Variants in TRABD2A observed in about 807,000 individuals in gnomAD.
TRABD2A encodes the protein TraB domain containing 2A.
In TRABD2A, 43 loss-of-function variants were observed where a neutral mutation model predicts 45.6. That is an observed-to-expected ratio of 0.94 (90% CI 0.74 to 1.22). The LOEUF is 1.22. Among genes scored for constraint, TRABD2A ranks in the 50% most tolerant of loss-of-function variants. The pLI is 0.00. For synonymous variants in TRABD2A, 269 were observed against 265.0 expected, an observed-to-expected ratio of 1.02 and a Z score of -0.15; for missense variants, 642 against 652.4, an observed-to-expected ratio of 0.98 and a Z score of 0.17.
chr2:84,847,341 T>A (rs1232726003), intron 2 of TRABD2A, among the ~76,000 whole-genome samples: 1 of 152,242 alleles, frequency 6.6e-6, no homozygotes. Context: ...CTTGGAGAAG[T>A]CTGAACCAGT....
chr2:84,852,851 T>G (rs999031148), intron 2 of TRABD2A, among the ~76,000 whole-genome samples: 1 of 151,916 alleles, frequency 6.6e-6, no homozygotes, highest in African/African-American at 2.4e-5. Flanking sequence ...AAAAGAAGAA[T>G]AGATCTCCCA....
intron 2 of TRABD2A, among the ~76,000 whole-genome samples, chr2:84,865,643 C>A (rs1682651726): frequency 6.6e-6 from 1 of 152,182 alleles, no homozygotes; most frequent in Non-Finnish European, 1.5e-5. Flanking sequence ...GGAGCTTTCC[C>A]AGATTCCTGC....
At chr2:84,829,849 C>CCA (rs1334469752) in intron 5 of TRABD2A, among the ~76,000 whole-genome samples, 4 of 149,888 alleles carry the variant, frequency 2.7e-5, no homozygotes, top group Non-Finnish European at 5.9e-5. Flanking sequence ...CAGACATGCA[C>CCA]CACACACACA....
chr2:84,856,188 C>T (rs1682295611), intron 2 of TRABD2A, among the ~76,000 whole-genome samples: 1 of 152,034 alleles, frequency 6.6e-6, no homozygotes, highest in Non-Finnish European at 1.5e-5. Context: ...ACCATTCACC[C>T]AGATAATTTT....
At chr2:84,828,142 C>G (rs996317161) in intron 5 of TRABD2A, among the ~76,000 whole-genome samples, 11 of 152,192 alleles carry the variant, frequency 7.2e-5, no homozygotes, top group Non-Finnish European at 1.3e-4. Context: ...TTTCTCTTCT[C>G]TGTTCTAAGA....
rs373969645 is a variant in TRABD2A, at chr2:84,867,942, C to A, written c.669+2283G>T. On this transcript the variant is annotated intron_variant, in intron 2 of 6. Transcript: ENST00000409520. ...TTAAAAAGTCAGGAAACAACAGGTA[C>A]TGGAGAGGATGTGGAGAAATAGGAA... Among the ~76,000 whole-genome samples, 180 of 152,278 alleles carry A rather than the reference C, an allele frequency of 1.2e-3. 6 individuals carry two copies. In the East Asian group the frequency reaches 0.028, roughly 23 times the overall value.
chr2:84,861,495 T>C (rs1682496778), intron 2 of TRABD2A, among the ~76,000 whole-genome samples: 1 of 152,140 alleles, frequency 6.6e-6, no homozygotes, highest in African/African-American at 2.4e-5. Context: ...GCCACTGATC[T>C]GACAGGAGGA....
At chr2:84,831,675 C>T (rs755191388) in intron 5 of TRABD2A, among the ~76,000 whole-genome samples, 1 of 152,140 alleles carries the variant, frequency 6.6e-6, no homozygotes, top group East Asian at 1.9e-4. Flanking sequence ...TGTCATGGCC[C>T]GATTTTGCCT....
intron 3 of TRABD2A, among the ~76,000 whole-genome samples, chr2:84,841,030 C>A (rs1681692618): frequency 6.6e-6 from 1 of 152,184 alleles, no homozygotes; most frequent in Non-Finnish European, 1.5e-5. Context: ...TACAGCATCA[C>A]CCACACCCAC....
intron 5 of TRABD2A, among the ~76,000 whole-genome samples, chr2:84,825,748 A>G (rs2105370124): frequency 6.6e-6 from 1 of 152,286 alleles, no homozygotes; most frequent in African/African-American, 2.4e-5. Flanking sequence ...TGGGCCACAC[A>G]GCAGGATGTG....
chr2:84,870,465 G>A lies in TRABD2A; in HGVS notation c.429C>T (p.Arg143=), dbSNP rs370950603. ...MMPLWMTPDQ[R]GKGLYADYLF... is the part of the protein sequence containing the mutation. ...GGTAGTCTGCGTAGAGCCCCTTGCC[G>A]CGCTGGTCTGGGGTCATCCACAAGG... The change falls in exon 2 of 7, where the codon CGC becomes CGT. Residue 143 remains arginine, a synonymous_variant. Coordinates refer to ENST00000409520, the MANE Select transcript of TRABD2A (RefSeq NM_001277053.2). 23 of 1,613,880 alleles carry A rather than the reference G, an allele frequency of 1.4e-5. No individual in the cohort carries two copies. The highest frequency in any genetic ancestry group is 5.0e-5 in the Admixed American group (3 of 60,006).
intron 1 of TRABD2A, among the ~76,000 whole-genome samples, chr2:84,874,401 C>T (rs1682960956): frequency 6.6e-6 from 1 of 152,218 alleles, no homozygotes; most frequent in Admixed American, 6.5e-5. Context: ...GCATTCAACA[C>T]AATTATTTCT....
intron 1 of TRABD2A, among the ~76,000 whole-genome samples, chr2:84,880,573 AG>A (rs1683168869): frequency 6.6e-6 from 1 of 152,248 alleles, no homozygotes; most frequent in African/African-American, 2.4e-5. Context: ...AGAGGGAAGA[AG>A]AAACTTCAAA....
intron 4 of TRABD2A, chr2:84,837,881 G>C (rs1681572718): frequency 8.9e-6 from 2 of 223,564 alleles, no homozygotes; most frequent in South Asian, 2.5e-4. Context: ...ATATTTTAGA[G>C]CTTTTCTATA....
At chr2:84,823,814 A>G (rs1441529636) in intron 6 of TRABD2A, 139 bp downstream of exon 6, 9 of 1,224,196 alleles carry the variant, frequency 7.4e-6, no homozygotes, top group Non-Finnish European at 1.0e-5. Context: ...TGGACAGAAA[A>G]AGGGTGCCTG....
chr2:84,870,318 AAGGAAC>A lies in TRABD2A; in HGVS notation c.570_575del (p.Phe191_Leu192del), dbSNP rs1393703159. On this transcript the variant is annotated inframe_deletion, in exon 2 of 7. Transcript: ENST00000409520. Reference sequence around the variant, plus strand: ...TCCTCAGCCGCTCAGCCTCCTGGGCAAGGAACAGGTCTAAGACAGGCACTCCACGGG... The same window carrying A: ...TCCTCAGCCGCTCAGCCTCCTGGGCAAGGTCTAAGACAGGCACTCCACGGG... 2 of 1,613,910 alleles carry A rather than the reference AAGGAAC, an allele frequency of 1.2e-6. No homozygotes were observed. The highest frequency in any genetic ancestry group is 1.7e-6 in the Non-Finnish European group (2 of 1,179,910).
intron 5 of TRABD2A, among the ~76,000 whole-genome samples, chr2:84,824,505 G>C (rs1479704231): frequency 6.7e-6 from 1 of 148,934 alleles, no homozygotes; most frequent in Non-Finnish European, 1.5e-5. Flanking sequence ...TTCCAACAAT[G>C]AACAGGTCAG....
intron 1 of TRABD2A, among the ~76,000 whole-genome samples, chr2:84,879,765 TG>T (rs1683141708): frequency 6.6e-6 from 1 of 152,140 alleles, no homozygotes; most frequent in Non-Finnish European, 1.5e-5. Context: ...CCTCCTGCCT[TG>T]GTAGAGGGCC....
At chr2:84,824,281 C>T in intron 5 of TRABD2A, 77 bp from the exon 6 acceptor site, 1 of 1,556,366 alleles carries the variant, frequency 6.4e-7, no homozygotes, top group Non-Finnish European at 8.6e-7. Context: ...TCTTACACCT[C>T]AGGGTTTCAA....
Sources: gnomAD v4.1 joint callset for allele counts (sites outside exome capture counted in the v4.1 genomes callset) on GRCh38, gnomAD v4.1.1 for gene constraint, MANE v1.5 for transcripts, NCBI Gene and HGNC (gene_info 2026-07-23, HGNC 2026-07-21) for gene names.